Variants in PKIB observed in about 807,000 individuals in gnomAD.
The protein encoded by PKIB is PKI-beta.
In PKIB, 2 loss-of-function variants were observed where a neutral mutation model predicts 4.5. That is an observed-to-expected ratio of 0.44 (90% confidence interval 0.18 to 1.39). The LOEUF (loss-of-function observed/expected upper bound fraction) is 1.39. PKIB is among the 40% of genes most tolerant of loss of function. The probability of loss-of-function intolerance (pLI) is 0.27; values close to 1 mark genes in which losing one functional copy is unlikely to be tolerated. For missense variants in PKIB, 94 were observed against 92.6 expected (o/e 1.02, Z -0.06); for synonymous variants, 38 against 36.0 (o/e 1.06, Z -0.20).
intron 2 of PKIB, among the ~76,000 whole-genome samples, chr6:122,652,124 A>G (rs1776577173): frequency 6.6e-6 from 1 of 152,196 alleles, no homozygotes; most frequent in Admixed American, 6.5e-5. Context: ...ATCCTTAAAA[A>G]TTCTATTCTT....
At chr6:122,637,189 G>A (rs1437783398) in intron 2 of PKIB, among the ~76,000 whole-genome samples, 1 of 152,148 alleles carries the variant, frequency 6.6e-6, no homozygotes, top group African/African-American at 2.4e-5. Flanking sequence ...CTTGATTGTA[G>A]ATATATTAAA....
chr6:122,579,805 T>C (rs9320880), intron 2 of PKIB, among the ~76,000 whole-genome samples: 17,195 of 152,138 alleles, frequency 0.11, 1,226 homozygotes, highest in East Asian at 0.21. Context: ...TGAATTATTC[T>C]CACACAAGTA....
chr6:122,540,039 T>C (rs1275976724), intron 2 of PKIB, among the ~76,000 whole-genome samples: 1 of 152,056 alleles, frequency 6.6e-6, no homozygotes, highest in Non-Finnish European at 1.5e-5. Flanking sequence ...CCCTTTATCA[T>C]TTTTTATTGC....
At position 122,725,566 on chromosome 6, in the gene PKIB, A is replaced by T. The variant is rs950851309; in HGVS notation, c.*371A>T. ...TGGGCAAATCATTCTTGGTAAATGT[A>T]AATCAAACATGATTGATTTAAAACT... is the stretch of plus-strand genomic sequence containing the variant. On this transcript the variant is annotated 3_prime_UTR_variant, in exon 5 of 5. Coordinates refer to ENST00000368452, the MANE Select transcript of PKIB (RefSeq NM_181795.3). 4 of 166,296 alleles carry T rather than the reference A, an allele frequency of 2.4e-5. No individual in the cohort carries two copies. Among genetic ancestry groups the T allele is most frequent in the Non-Finnish European group, 5.2e-5 (4 of 77,472 alleles). The allele number at this position is 166,296 out of a possible 1,614,324, so 10.3% of individuals were successfully genotyped here.
intron 1 of PKIB, among the ~76,000 whole-genome samples, chr6:122,611,720 T>C (rs997944622): frequency 8.5e-5 from 13 of 152,190 alleles, no homozygotes; most frequent in African/African-American, 2.9e-4. Context: ...GATTTTATAT[T>C]TAGAAAGCTC....
chr6:122,708,066 A>G (rs924753617), intron 3 of PKIB, among the ~76,000 whole-genome samples: 3 of 152,222 alleles, frequency 2.0e-5, no homozygotes, highest in Non-Finnish European at 4.4e-5. Context: ...TCAATGAAAC[A>G]ACCTACAAAA....
At chr6:122,590,253 A>G (rs867596813) in intron 3 of PKIB, among the ~76,000 whole-genome samples, 3 of 152,162 alleles carry the variant, frequency 2.0e-5, no homozygotes, top group Non-Finnish European at 4.4e-5. Context: ...TACATAAAAA[A>G]TCATTCACAG....
chr6:122,656,670 G>T (rs9490513), intron 2 of PKIB, among the ~76,000 whole-genome samples: 43,839 of 152,028 alleles, frequency 0.29, 6,984 homozygotes, highest in Middle Eastern at 0.35. Flanking sequence ...AGTTGATGGG[G>T]GTGTCAGGTG....
chr6:122,474,941 G>A (rs72958549), intron 1 of PKIB, among the ~76,000 whole-genome samples: 26 of 152,316 alleles, frequency 1.7e-4, no homozygotes, highest in Non-Finnish European at 2.8e-4. Context: ...ATTAACCAAT[G>A]TAATTTCAGA....
chr6:122,535,932 G>A (rs1777393474), intron 2 of PKIB, among the ~76,000 whole-genome samples: 1 of 152,074 alleles, frequency 6.6e-6, no homozygotes, highest in African/African-American at 2.4e-5. Flanking sequence ...GTTTTCAGTT[G>A]CAATTTTCTT....
intron 2 of PKIB, among the ~76,000 whole-genome samples, chr6:122,502,315 G>C (rs1319507051): frequency 6.6e-6 from 1 of 151,634 alleles, no homozygotes; most frequent in African/African-American, 2.4e-5. Context: ...TACTTCTCTG[G>C]TACCAATTTT....
chr6:122,481,143 G>A (rs553730174), intron 2 of PKIB: 2 of 152,122 alleles, frequency 1.3e-5, no homozygotes, highest in Non-Finnish European at 2.9e-5. Flanking sequence ...ACCAGTAATA[G>A]AACAAATAGG....
intron 3 of PKIB, among the ~76,000 whole-genome samples, chr6:122,593,263 G>A (rs928768727): frequency 1.3e-5 from 2 of 152,174 alleles, no homozygotes; most frequent in African/African-American, 4.8e-5. Flanking sequence ...CAGATGACCC[G>A]ATATAATCCA....
At chr6:122,569,159 T>G (rs1027366566) in intron 2 of PKIB, among the ~76,000 whole-genome samples, 21 of 152,112 alleles carry the variant, frequency 1.4e-4, no homozygotes, top group Admixed American at 1.3e-3. Context: ...CCTAACCCTA[T>G]CCCCAACTGG....
chr6:122,662,169 A>C (rs1461634675), intron 2 of PKIB, among the ~76,000 whole-genome samples: 2 of 151,812 alleles, frequency 1.3e-5, no homozygotes, highest in Non-Finnish European at 2.9e-5. Context: ...TGATGGTGTC[A>C]TTTGGTGCAC....
intron 2 of PKIB, among the ~76,000 whole-genome samples, chr6:122,669,020 GC>G (rs1242889059): frequency 1.3e-5 from 2 of 152,072 alleles, no homozygotes; most frequent in Admixed American, 6.5e-5. Context: ...TTTGAGACCA[GC>G]CTGGAAAATA....
intron 1 of PKIB, among the ~76,000 whole-genome samples, chr6:122,628,759 A>G (rs1346455832): frequency 6.6e-6 from 1 of 152,188 alleles, no homozygotes; most frequent in Non-Finnish European, 1.5e-5. Flanking sequence ...AGGATTCCTT[A>G]TAACCTAGCC....
intron 3 of PKIB, among the ~76,000 whole-genome samples, chr6:122,705,037 CAG>C (rs1271103059): frequency 6.6e-6 from 1 of 152,120 alleles, no homozygotes; most frequent in Non-Finnish European, 1.5e-5. Flanking sequence ...GTCTGGGAAA[CAG>C]AGGGAGACCT....
At chr6:122,629,633 T>C (rs1775608471) in intron 1 of PKIB, among the ~76,000 whole-genome samples, 1 of 152,134 alleles carries the variant, frequency 6.6e-6, no homozygotes, top group South Asian at 2.1e-4. Context: ...ACAAACACTA[T>C]CTCATCAAGG....
Sources: allele counts gnomAD v4.1 joint callset (sites outside exome capture counted in the v4.1 genomes callset), GRCh38; gene constraint gnomAD v4.1.1; transcripts MANE v1.5; gene names NCBI Gene and HGNC (gene_info 2026-07-23, HGNC 2026-07-21).